AXIN1: variants seen among roughly 807,000 people sequenced by gnomAD.
AXIN1 encodes the protein axin-1.
A neutral mutation model predicts 76.4 loss-of-function variants in AXIN1; 30 were observed. The observed-to-expected ratio is 0.39, with a 90% CI of 0.29 to 0.53. AXIN1 has a LOEUF of 0.53. Ranked by LOEUF, AXIN1 falls within the 20% of genes least tolerant of loss-of-function variation. The pLI is 0.66. For missense variants in AXIN1, 1,140 were observed against 1,198.8 expected (o/e 0.95, Z 0.72); for synonymous variants, 545 against 501.4 (o/e 1.09, Z -1.16).
chr16:304,356 C>T lies in AXIN1; in HGVS notation c.1202G>A (p.Arg401His), dbSNP rs781736051. The T allele has an allele frequency of 6.8e-6, 11 of 1,612,464 alleles. No individual in the cohort carries two copies. The highest frequency in any genetic ancestry group is 2.7e-5 in the African/African-American group (2 of 74,944). ...CAGCTTCTCCTCGGCCTCCCGCGTGCGCTGCACAGCCTCCAGGCGGTGGAT... is the reference window on the plus strand; with the variant it reads ...CAGCTTCTCCTCGGCCTCCCGCGTGTGCTGCACAGCCTCCAGGCGGTGGAT... Reference protein sequence around the residue: ...ELIHRLEAVQRTREAEEKLEE... With the variant: ...ELIHRLEAVQHTREAEEKLEE... Residue 401 changes from arginine to histidine, a missense_variant, in exon 5 of 11, where the codon CGC becomes CAC. Arg to His is a conservative substitution (Grantham distance 29). Around this residue, in one of 3 missense-constraint regions of AXIN1, gnomAD observed 708 missense variants for 776.9 expected, o/e 0.91. Coordinates refer to ENST00000262320, the MANE Select transcript of AXIN1 (RefSeq NM_003502.4).
At chr16:322,637 C>A (rs1006480677) in intron 2 of AXIN1, among the ~76,000 whole-genome samples, 3 of 152,216 alleles carry the variant, frequency 2.0e-5, no homozygotes, top group Non-Finnish European at 2.9e-5. Flanking sequence ...CCCCTCAATA[C>A]CCCATCCATG....
intron 3 of AXIN1, among the ~76,000 whole-genome samples, chr16:312,211 CT>C (rs2053199354): frequency 6.6e-6 from 1 of 152,200 alleles, no homozygotes; most frequent in Non-Finnish European, 1.5e-5. Flanking sequence ...ATGTTGTGAG[CT>C]TGCCGCCAGC....
intron 5 of AXIN1, among the ~76,000 whole-genome samples, chr16:302,943 A>C (rs12596524): frequency 0.2 from 30,512 of 151,852 alleles, 3,300 homozygotes; most frequent in African/African-American, 0.29. Context: ...CTCACTGTAG[A>C]CCTGACCTCC....
At position 293,341 on chromosome 16, in the gene AXIN1, C is replaced by T. The variant is rs918995892; in HGVS notation, c.2186+147G>A. ...CCTGCCACGTGGCCCCTCAGTGGTT[C>T]TCAGTGGATGGAAGGGCCCAGTATG... On this transcript the variant is annotated intron_variant, in intron 8 of 10. Transcript: ENST00000262320. This position sits in a 1 kb window ranked among gnomAD's most constrained non-coding sequence, Gnocchi z 4.6. 4 of 813,502 alleles carry T rather than the reference C, an allele frequency of 4.9e-6. No homozygotes were observed. In the Admixed American group the frequency reaches 9.9e-5, roughly 20 times the overall value. 50.4% of individuals were successfully genotyped at this position (813,502 alleles called of 1,614,324 possible).
At chr16:314,849 T>C (rs1333117851) in intron 2 of AXIN1, among the ~76,000 whole-genome samples, 166 bp from the exon 3 acceptor site, 1 of 152,258 alleles carries the variant, frequency 6.6e-6, no homozygotes, top group Non-Finnish European at 1.5e-5. Context: ...ACCTGTCCTC[T>C]TGTCCCTCTG....
chr16:291,107 G>T, intron 9 of AXIN1, 83 bp downstream of exon 9: 1 of 1,334,084 alleles, frequency 7.5e-7, no homozygotes, highest in Admixed American at 2.0e-5. Context: ...CAAGCCCCGG[G>T]ACGGCGGCTC....
intron 7 of AXIN1, among the ~76,000 whole-genome samples, chr16:296,723 G>T (rs1286704237): frequency 5.9e-5 from 9 of 152,238 alleles, no homozygotes; most frequent in Non-Finnish European, 4.4e-5. Context: ...GGCCTTCCCA[G>T]GTGACTTAGG....
At chr16:306,153 A>C (rs1469014853) in intron 4 of AXIN1, among the ~76,000 whole-genome samples, 1 of 151,930 alleles carries the variant, frequency 6.6e-6, no homozygotes, top group African/African-American at 2.4e-5. Flanking sequence ...GCAGGCACAC[A>C]CACCCACACA....
At position 346,345 on chromosome 16, in the gene AXIN1, C is replaced by T. The variant is rs2141702097; in HGVS notation, c.681G>A (p.Gly227=). 6.2e-7 allele frequency: 1 copy of T among 1,614,232 alleles called. No individual in the cohort carries two copies. Among genetic ancestry groups the T allele is most frequent in the East Asian group, 2.2e-5 (1 of 44,888 alleles). The change falls in exon 2 of 11, where the codon GGG becomes GGA. Residue 227 remains glycine, a synonymous_variant. Transcript: ENST00000262320. ...SPKVCSDQSS[G]SGTGKGISGY... ...CAGATATGCCCTTCCCTGTCCCTGA[C>T]CCAGAGCTCTGGTCACTACAGACTT...
intron 1 of AXIN1, among the ~76,000 whole-genome samples, chr16:350,977 C>T (rs997168791): frequency 6.6e-6 from 1 of 152,024 alleles, no homozygotes; most frequent in Non-Finnish European, 1.5e-5. Flanking sequence ...ACTAAAAATA[C>T]AAAATTAGTC....
At chr16:296,160 G>A (rs554848281) in intron 7 of AXIN1, among the ~76,000 whole-genome samples, 10 of 152,332 alleles carry the variant, frequency 6.6e-5, no homozygotes, top group African/African-American at 1.7e-4. Context: ...CCAGAAAAAC[G>A]ATGAGCCCGT....
intron 2 of AXIN1, among the ~76,000 whole-genome samples, chr16:334,637 G>A (rs1041257394): frequency 3.6e-5 from 5 of 138,456 alleles, no homozygotes; most frequent in Non-Finnish European, 6.1e-5. Context: ...AGCACAGCAC[G>A]CCAATAATGC....
chr16:330,185 C>CG (rs775734144), intron 2 of AXIN1, among the ~76,000 whole-genome samples: 7 of 152,002 alleles, frequency 4.6e-5, no homozygotes, highest in Non-Finnish European at 8.8e-5. Context: ...CTCAGCCTCC[C>CG]TAGTGGCTGG....
intron 2 of AXIN1, among the ~76,000 whole-genome samples, chr16:328,823 T>C (rs949638482): frequency 4.6e-5 from 7 of 151,528 alleles, no homozygotes; most frequent in African/African-American, 1.7e-4. Context: ...GCAGGGAGAG[T>C]GTGGCCGGGC....
intron 3 of AXIN1, among the ~76,000 whole-genome samples, chr16:311,603 C>T (rs2053181395): frequency 6.6e-6 from 1 of 151,910 alleles, no homozygotes; most frequent in Non-Finnish European, 1.5e-5. Context: ...AACCCCGTCT[C>T]TACTAAAAAT....
chr16:288,326 G>A (rs896759159), intron 10 of AXIN1, 78 bp from the exon 11 acceptor site: 1 of 1,573,682 alleles, frequency 6.4e-7, no homozygotes, highest in Non-Finnish European at 8.6e-7. Context: ...GGGACGGCGT[G>A]TCCACACCCC....
At chr16:317,706 C>A (rs534133550) in intron 2 of AXIN1, among the ~76,000 whole-genome samples, 21 of 152,328 alleles carry the variant, frequency 1.4e-4, no homozygotes, top group South Asian at 4.1e-4. Flanking sequence ...TACCAGCCTG[C>A]AGCTTCAGGC....
At chr16:290,014 A>AT in intron 9 of AXIN1, 1 of 307,530 alleles carries the variant, frequency 3.3e-6, no homozygotes, top group Non-Finnish European at 6.3e-6. Context: ...CGATTTCTGG[A>AT]TAAGCCTGAC....
intron 5 of AXIN1, among the ~76,000 whole-genome samples, chr16:303,846 A>T (rs1567271263): frequency 1.3e-5 from 2 of 152,240 alleles, no homozygotes; most frequent in Admixed American, 6.5e-5. Flanking sequence ...CATGGCCTCA[A>T]GGAACCAAAA....
Sources: allele counts gnomAD v4.1 joint callset (sites outside exome capture counted in the v4.1 genomes callset), GRCh38; gene constraint gnomAD v4.1.1; regional missense constraint gnomAD v4.1.1; non-coding constraint Gnocchi (gnomAD v3.1); transcripts MANE v1.5; gene names NCBI Gene and HGNC (gene_info 2026-07-23, HGNC 2026-07-21).